Variants in DDB1 observed in about 807,000 individuals in gnomAD.
DDB1 encodes the protein damage specific DNA binding protein 1.
A neutral mutation model predicts 133.1 loss-of-function variants in DDB1; 18 were observed. The ratio of observed to expected loss-of-function variants is 0.14; its 90% CI spans 0.09 to 0.20. The LOEUF (loss-of-function observed/expected upper bound fraction) is 0.20. Ranked by LOEUF, DDB1 falls within the 10% of genes least tolerant of loss-of-function variation. The pLI, the probability that DDB1 is intolerant of heterozygous loss-of-function variation, is 1.00. For synonymous variants in DDB1, 580 were observed against 550.5 expected (o/e 1.05, Z -0.75); for missense variants, 828 against 1,459.2 (o/e 0.57, Z 7.05).
intron 4 of DDB1, among the ~76,000 whole-genome samples, chr11:61,328,699 C>G (rs945798272): frequency 6.6e-6 from 1 of 151,978 alleles, no homozygotes; most frequent in African/African-American, 2.4e-5. Context: ...GGTGAAACCA[C>G]GTCTCTACTA....
chr11:61,318,443 T>C (rs1301659072), intron 10 of DDB1, among the ~76,000 whole-genome samples: 1 of 152,154 alleles, frequency 6.6e-6, no homozygotes, highest in African/African-American at 2.4e-5. Context: ...ACCAACATAA[T>C]GTGTGGTCAA....
At chr11:61,308,720 C>T (rs1348987101) in intron 21 of DDB1, among the ~76,000 whole-genome samples, 3 of 152,198 alleles carry the variant, frequency 2.0e-5, no homozygotes, top group Non-Finnish European at 4.4e-5. Context: ...GAACATCCTA[C>T]GTGCAGGGAC....
chr11:61,317,810 T>G (rs146073300), intron 10 of DDB1, among the ~76,000 whole-genome samples: 1 of 152,178 alleles, frequency 6.6e-6, no homozygotes, highest in African/African-American at 2.4e-5. Context: ...CAGCCTAAAT[T>G]TATTTTTTAA....
chr11:61,331,435 C>T (rs948882821), intron 2 of DDB1, 108 bp downstream of exon 2: 19 of 1,454,026 alleles, frequency 1.3e-5, no homozygotes, highest in African/African-American at 1.3e-4. Flanking sequence ...CTGGGCAACA[C>T]TGTGAGACCC....
In DDB1 at chr11:61,309,815, C is replaced by A. The variant is rs774780663; in HGVS notation, c.2547G>T (p.Val849=). ...EEAEPKQGRI[V]VFQYSDGKLQ... ...ACTTACCATCCGAATACTGAAAGAC[C>A]ACAATGCGACCCTGCTTGGGCTCTG... Residue 849 remains valine (V), a synonymous_variant, in exon 20 of 27, where the codon GTG becomes GTT. Coordinates refer to ENST00000301764, the MANE Select transcript of DDB1 (RefSeq NM_001923.5). The A allele has an allele frequency of 3.1e-6, 5 of 1,613,438 alleles. No individual in the cohort carries two copies. Among genetic ancestry groups the A allele is most frequent in the Non-Finnish European group, 4.2e-6 (5 of 1,179,800 alleles).
intron 25 of DDB1, 77 bp from the exon 26 acceptor site, chr11:61,301,009 C>T: frequency 6.4e-7 from 1 of 1,560,770 alleles, no homozygotes; most frequent in African/African-American, 1.4e-5. Flanking sequence ...AATAAGACCA[C>T]AATCTAAAGC....
intron 21 of DDB1, among the ~76,000 whole-genome samples, chr11:61,307,373 T>G (rs1855895716): frequency 6.6e-6 from 1 of 152,250 alleles, no homozygotes; most frequent in South Asian, 2.1e-4. Flanking sequence ...CTGACTTCCA[T>G]GTTACTAATC....
Position 61,303,720 on chromosome 11 carries a change from A to AC in DDB1, c.2832+144_2832+145insG. 3 of 943,126 alleles carry AC rather than the reference A, an allele frequency of 3.2e-6. No individual in the cohort carries two copies. In the East Asian group the frequency reaches 8.0e-5, roughly 25 times the overall value. 58.4% of individuals were successfully genotyped at this position (943,126 alleles called of 1,614,324 possible). On this transcript the variant is annotated intron_variant, in intron 22 of 26. Coordinates refer to ENST00000301764, the MANE Select transcript of DDB1 (RefSeq NM_001923.5). ...CGTCTCAAAAAAAAAAAAAAAAAAA[A>AC]AAAACTTAATCAATGTAGAATGTCT...
At chr11:61,322,446 G>T in intron 8 of DDB1, 34 bp from the exon 9 acceptor site, 1 of 1,546,744 alleles carries the variant, frequency 6.5e-7, no homozygotes, top group Non-Finnish European at 8.9e-7. Flanking sequence ...GTTAGTCCTA[G>T]AACACCCTAA....
intron 10 of DDB1, among the ~76,000 whole-genome samples, chr11:61,320,162 T>C (rs1856156036): frequency 6.6e-6 from 1 of 152,146 alleles, no homozygotes; most frequent in South Asian, 2.1e-4. Context: ...TGTAGTTATA[T>C]GATCTCTTCC....
At chr11:61,329,030 CTAAG>C (rs1368016370) in intron 4 of DDB1, among the ~76,000 whole-genome samples, 2 of 152,098 alleles carry the variant, frequency 1.3e-5, no homozygotes, top group Non-Finnish European at 2.9e-5. Context: ...TTCTTGACAA[CTAAG>C]TTTTAATAAT....
At chr11:61,324,261 C>T (rs1445049470) in intron 6 of DDB1, 124 bp from the exon 7 acceptor site, 1 of 1,001,328 alleles carries the variant, frequency 1.0e-6, no homozygotes, top group Non-Finnish European at 1.5e-6. Flanking sequence ...GCTCAGATAA[C>T]ATTACATGAA....
At chr11:61,307,193 C>A (rs1855893781) in intron 21 of DDB1, among the ~76,000 whole-genome samples, 1 of 152,208 alleles carries the variant, frequency 6.6e-6, no homozygotes, top group South Asian at 2.1e-4. Context: ...AAATTAAAAA[C>A]AGAAAATTCT....
At chr11:61,328,499 C>T (rs904126867) in intron 4 of DDB1, among the ~76,000 whole-genome samples, 10 of 152,174 alleles carry the variant, frequency 6.6e-5, no homozygotes, top group Non-Finnish European at 1.3e-4. Flanking sequence ...ACCCCACCCC[C>T]GCTTAACAGA....
At chr11:61,311,660 T>C (rs1180526231) in intron 18 of DDB1, 124 bp downstream of exon 18, 1 of 789,066 alleles carries the variant, frequency 1.3e-6, no homozygotes, top group Non-Finnish European at 2.0e-6. Context: ...GATGGCAAAG[T>C]TGAACAGTCA....
chr11:61,325,496 T>C (rs1181553037), intron 6 of DDB1, 115 bp downstream of exon 6: 7 of 815,116 alleles, frequency 8.6e-6, no homozygotes, highest in Non-Finnish European at 1.4e-5. Context: ...ATATACATAG[T>C]AAATTGTGTA....
chr11:61,309,630 G>A (rs1855930012), intron 20 of DDB1, among the ~76,000 whole-genome samples, 166 bp downstream of exon 20: 1 of 151,862 alleles, frequency 6.6e-6, no homozygotes, highest in African/African-American at 2.4e-5. Context: ...ACTGTGTACT[G>A]TTCACATGCT....
rs1270509301 is a variant in DDB1 at position 61,316,875 on chromosome 11, A to G, written c.1226-308T>C. ...GGAGAAAGAGGCTGCAGCTATGATC[A>G]TGTCATTGCACTCCAGCCTGGGTGA... On this transcript the variant is annotated intron_variant, in intron 10 of 26. Coordinates refer to ENST00000301764, the MANE Select transcript of DDB1 (RefSeq NM_001923.5). Among the ~76,000 whole-genome samples the G allele has an allele frequency of 2.2e-5, 3 of 136,112 alleles. No homozygotes were observed. In the Admixed American group the frequency reaches 2.3e-4, roughly 11 times the overall value. 89.3% of individuals were successfully genotyped at this position (136,112 alleles called of 152,430 possible).
chr11:61,329,631 G>C, intron 3 of DDB1, 47 bp from the exon 4 acceptor site: 2 of 1,538,796 alleles, frequency 1.3e-6, no homozygotes, highest in Non-Finnish European at 1.8e-6. Context: ...CATCCACAGA[G>C]CAACAGAGGA....
Sources: allele counts gnomAD v4.1 joint callset (sites outside exome capture counted in the v4.1 genomes callset), GRCh38; gene constraint gnomAD v4.1.1; transcripts MANE v1.5; gene names NCBI Gene and HGNC (gene_info 2026-07-23, HGNC 2026-07-21).